MARCHF6: variants seen among roughly 807,000 people sequenced by gnomAD.
MARCHF6 encodes the protein E3 ubiquitin-protein ligase MARCHF6.
In MARCHF6, 31 loss-of-function variants were observed where a neutral mutation model predicts 133.7. That is an observed-to-expected ratio of 0.23 (90% confidence interval 0.17 to 0.31). The LOEUF is 0.31. Ranked by LOEUF, MARCHF6 falls within the 10% of genes least tolerant of loss-of-function variation. MARCHF6 has a pLI of 1.00. For synonymous variants in MARCHF6, 395 were observed against 402.5 expected (o/e 0.98, Z 0.22); for missense variants, 723 against 1,121.6 (o/e 0.64, Z 5.08).
intron 21 of MARCHF6, 121 bp downstream of exon 21, chr5:10,415,790 A>AT: frequency 7.4e-6 from 6 of 806,588 alleles, no homozygotes. Flanking sequence ...AAGAGAGTTG[A>AT]TTTTTTGAAT....
intron 1 of MARCHF6, among the ~76,000 whole-genome samples, chr5:10,375,258 G>A (rs1736702689): frequency 1.3e-5 from 2 of 152,352 alleles, no homozygotes; most frequent in East Asian, 1.9e-4. Context: ...CGGAGCAGCC[G>A]GCCGGCCCTG....
At position 10,434,066 on chromosome 5, in the gene MARCHF6, T is replaced by C. The variant is rs924871060; in HGVS notation, c.*382T>C. 5.3e-6 allele frequency: 1 copy of C among 189,446 alleles called. No homozygotes were observed. Among genetic ancestry groups the C allele is most frequent in the Non-Finnish European group, 1.1e-5 (1 of 90,186 alleles). The allele number at this position is 189,446 out of a possible 1,614,324, so 11.7% of individuals were successfully genotyped here. ...AGCAGTAGTGCGCAGGCAAGACTTT[T>C]CAGTGACGCCTTGTGGAACGCAGTT... On this transcript the variant is annotated 3_prime_UTR_variant, in exon 26 of 26. Coordinates refer to ENST00000274140, the MANE Select transcript of MARCHF6 (RefSeq NM_005885.4).
chr5:10,411,563 A>G, intron 19 of MARCHF6, 26 bp downstream of exon 19: 1 of 1,560,942 alleles, frequency 6.4e-7, no homozygotes, highest in Non-Finnish European at 8.6e-7. Flanking sequence ...ACTTAATCAC[A>G]TATAGAGGTT....
At chr5:10,375,543 G>C (rs940078571) in intron 1 of MARCHF6, among the ~76,000 whole-genome samples, 1 of 152,380 alleles carries the variant, frequency 6.6e-6, no homozygotes, top group East Asian at 1.9e-4. Flanking sequence ...AGGAGTGCCA[G>C]CGCATGGCGC....
intron 1 of MARCHF6, among the ~76,000 whole-genome samples, chr5:10,356,462 C>T (rs1735481463): frequency 6.6e-6 from 1 of 150,772 alleles, no homozygotes; most frequent in Non-Finnish European, 1.5e-5. Context: ...GTGGCATGAT[C>T]TCTGCTCACT....
At chr5:10,431,117 T>G (rs1740338508) in intron 25 of MARCHF6, among the ~76,000 whole-genome samples, 2 of 152,120 alleles carry the variant, frequency 1.3e-5, no homozygotes, top group South Asian at 4.1e-4. Context: ...TTCTGAGGAG[T>G]AAGATTTTTG....
chr5:10,360,370 C>G (rs1231872165), intron 1 of MARCHF6, among the ~76,000 whole-genome samples: 1 of 151,766 alleles, frequency 6.6e-6, no homozygotes, highest in African/African-American at 2.4e-5. Context: ...AACTCCTGAC[C>G]TCAGGTGATC....
At chr5:10,428,939 T>G (rs1740230195) in intron 24 of MARCHF6, among the ~76,000 whole-genome samples, 1 of 152,238 alleles carries the variant, frequency 6.6e-6, no homozygotes, top group South Asian at 2.1e-4. Context: ...AGATGCTTTA[T>G]GTAATTCTTA....
chr5:10,365,375 A>C (rs1736081409), intron 1 of MARCHF6, among the ~76,000 whole-genome samples: 1 of 151,908 alleles, frequency 6.6e-6, no homozygotes, highest in Admixed American at 6.6e-5. Context: ...ATCTTGGCTC[A>C]CCGCAACCTC....
intron 23 of MARCHF6, among the ~76,000 whole-genome samples, chr5:10,425,980 A>G (rs974618847): frequency 1.3e-5 from 2 of 152,326 alleles, no homozygotes; most frequent in South Asian, 2.1e-4. Flanking sequence ...GTGTTTTCTC[A>G]TCATACTCAG....
chr5:10,390,474 A>G lies in MARCHF6; in HGVS notation c.550A>G (p.Asn184Asp), dbSNP rs1333933084. Residue 184 changes from asparagine (N) to aspartate (D), a missense_variant, in exon 6 of 26, where the codon AAT becomes GAT. Asn to Asp is a conservative substitution (Grantham distance 23, BLOSUM62 1). Transcript: ENST00000274140. ...IWLEHAAPPFNAAGHHQNEAP... is the reference protein window; with the variant it reads ...IWLEHAAPPFDAAGHHQNEAP... The stretch of plus-strand genomic sequence containing the variant: ...GTTGGAGCATGCTGCCCCACCGTTC[A>G]ATGCTGCGGGGCATCACCAAAATGA... 3 of 1,613,800 alleles carry G rather than the reference A, an allele frequency of 1.9e-6. No individual in the cohort carries two copies. Among genetic ancestry groups the G allele is most frequent in the African/African-American group, 1.3e-5 (1 of 74,892 alleles).
At chr5:10,403,123 G>A (rs1400548095) in intron 14 of MARCHF6, among the ~76,000 whole-genome samples, 3 of 152,116 alleles carry the variant, frequency 2.0e-5, no homozygotes, top group Admixed American at 2.0e-4. Flanking sequence ...TCTCAAGAAT[G>A]CAGACCTATA....
Position 10,417,413 on chromosome 5 carries a change from A to G in MARCHF6, c.2283+9A>G, listed in dbSNP as rs1452069181. The G allele has an allele frequency of 1.1e-5, 17 of 1,613,276 alleles. No homozygotes were observed. The highest frequency in any genetic ancestry group is 1.2e-5 in the Non-Finnish European group (14 of 1,179,850). ...TTTTTTATCCATGGCAGGTAAATGT[A>G]TGTCTTTTGCTCATGTTATTTCATT... On this transcript the variant is annotated intron_variant, in intron 22 of 25. Coordinates refer to ENST00000274140, the MANE Select transcript of MARCHF6 (RefSeq NM_005885.4).
intron 22 of MARCHF6, among the ~76,000 whole-genome samples, chr5:10,421,029 C>T (rs1217579782): frequency 6.6e-6 from 1 of 152,168 alleles, no homozygotes; most frequent in East Asian, 1.9e-4. Context: ...GTGTTACTCC[C>T]TTGCTGCAAT....
At chr5:10,407,691 C>T (rs984663575) in intron 17 of MARCHF6, among the ~76,000 whole-genome samples, 74 of 152,190 alleles carry the variant, frequency 4.9e-4, no homozygotes, top group African/African-American at 1.6e-3. Context: ...TGGTGGCTCA[C>T]GCCTGTAATC....
intron 1 of MARCHF6, among the ~76,000 whole-genome samples, chr5:10,360,511 G>A (rs1002717734): frequency 6.6e-6 from 1 of 152,160 alleles, no homozygotes; most frequent in African/African-American, 2.4e-5. Flanking sequence ...TATATGGAAG[G>A]ATGTGCATAG....
chr5:10,363,630 G>T (rs987513215), intron 1 of MARCHF6, among the ~76,000 whole-genome samples: 1 of 152,018 alleles, frequency 6.6e-6, no homozygotes, highest in Admixed American at 6.6e-5. Context: ...ATACCCAAGA[G>T]AATTCAAAAA....
At chr5:10,380,680 C>T (rs1737080810) in intron 3 of MARCHF6, among the ~76,000 whole-genome samples, 1 of 152,110 alleles carries the variant, frequency 6.6e-6, no homozygotes, top group Non-Finnish European at 1.5e-5. Flanking sequence ...AATTCCAGCA[C>T]TTTGAAAGGC....
At chr5:10,394,239 C>A in intron 8 of MARCHF6, 96 bp downstream of exon 8, 1 of 646,078 alleles carries the variant, frequency 1.5e-6, no homozygotes, top group Non-Finnish European at 2.5e-6. Context: ...GTTATCGTTA[C>A]AGTTGATGAA....
Sources: gnomAD v4.1 joint callset for allele counts (sites outside exome capture counted in the v4.1 genomes callset) on GRCh38, gnomAD v4.1.1 for gene constraint, MANE v1.5 for transcripts, NCBI Gene and HGNC (gene_info 2026-07-23, HGNC 2026-07-21) for gene names.